Variants in NR2F1-AS1 observed in about 807,000 individuals in gnomAD.
The protein encoded by NR2F1-AS1 is NR2F1 regulatory antisense RNA 1, also known as NR2F1 antisense RNA 1.
intron 4 of NR2F1-AS1, among the ~76,000 whole-genome samples, chr5:93,416,357 T>G (rs1199557990): frequency 6.6e-6 from 1 of 152,210 alleles, no homozygotes; most frequent in Non-Finnish European, 1.5e-5. Flanking sequence ...AATATTATTC[T>G]TTTTTCACCC....
At chr5:93,534,877 G>A (rs1561487765) in intron 4 of NR2F1-AS1, among the ~76,000 whole-genome samples, 2 of 152,102 alleles carry the variant, frequency 1.3e-5, no homozygotes, top group South Asian at 2.1e-4. Context: ...ATATTACATC[G>A]AAGATCATTT....
chr5:93,576,394 T>G (rs1752895095), intron 1 of NR2F1-AS1, among the ~76,000 whole-genome samples: 1 of 152,108 alleles, frequency 6.6e-6, no homozygotes, highest in Non-Finnish European at 1.5e-5. Context: ...TGTTTACTGT[T>G]CTATTGCTTA....
chr5:93,434,612 A>G (rs1207782208), intron 4 of NR2F1-AS1, among the ~76,000 whole-genome samples: 1 of 152,224 alleles, frequency 6.6e-6, no homozygotes, highest in Non-Finnish European at 1.5e-5. Flanking sequence ...AATAATCAAA[A>G]TCAGGAAATT....
intron 4 of NR2F1-AS1, among the ~76,000 whole-genome samples, chr5:93,446,804 A>G (rs1749720692): frequency 6.6e-6 from 1 of 152,194 alleles, no homozygotes; most frequent in Non-Finnish European, 1.5e-5. Context: ...TTCAAACTAT[A>G]CTACAAGGCT....
rs777320971 is a variant in NR2F1-AS1, at chr5:93,553,253, C to G, written n.638+508G>C. 5.3e-5 allele frequency among the ~76,000 whole-genome samples: 8 copies of G among 151,816 alleles called. No individual in the cohort carries two copies. In the South Asian group the frequency reaches 1.0e-3, roughly 20 times the overall value. On this transcript the variant is annotated intron_variant and non_coding_transcript_variant, in intron 4 of 5. Transcript: ENST00000660523. The stretch of plus-strand genomic sequence containing the variant: ...CAAGCAATTCTCGTGCCTCAGCTTC[C>G]CAAGTGAAGTGTTTTTAGTACAGAC...
At chr5:93,461,229 G>A (rs1417713867) in intron 4 of NR2F1-AS1, among the ~76,000 whole-genome samples, 1 of 152,150 alleles carries the variant, frequency 6.6e-6, no homozygotes, top group East Asian at 1.9e-4. Context: ...AACTAACAGA[G>A]GAACACAAAT....
chr5:93,526,902 C>G (rs1561483867), intron 4 of NR2F1-AS1, among the ~76,000 whole-genome samples: 1 of 152,118 alleles, frequency 6.6e-6, no homozygotes, highest in African/African-American at 2.4e-5. Flanking sequence ...ACTGAATGGG[C>G]AAAAGCTGGA....
intron 4 of NR2F1-AS1, among the ~76,000 whole-genome samples, chr5:93,430,861 TATC>T (rs138817898): frequency 4.1e-4 from 62 of 149,560 alleles, no homozygotes; most frequent in Middle Eastern, 6.8e-3. Flanking sequence ...TCCCTTGCTT[TATC>T]ATCATCATCA....
intron 4 of NR2F1-AS1, among the ~76,000 whole-genome samples, chr5:93,415,402 C>G (rs1057383468): frequency 2.0e-5 from 3 of 152,060 alleles, no homozygotes; most frequent in African/African-American, 7.2e-5. Flanking sequence ...TACTCATATG[C>G]CAGATCTAAA....
At chr5:93,500,930 T>TA (rs1394432527) in intron 4 of NR2F1-AS1, among the ~76,000 whole-genome samples, 1 of 152,134 alleles carries the variant, frequency 6.6e-6, no homozygotes, top group African/African-American at 2.4e-5. Context: ...TCTTATTAAT[T>TA]AAAAAATACA....
At chr5:93,469,090 C>G (rs1750308688) in intron 4 of NR2F1-AS1, among the ~76,000 whole-genome samples, 1 of 152,026 alleles carries the variant, frequency 6.6e-6, no homozygotes, top group Admixed American at 6.6e-5. Context: ...TGTGGAAAAG[C>G]TTATTTTTGA....
chr5:93,509,472 A>C (rs187054222), intron 4 of NR2F1-AS1, among the ~76,000 whole-genome samples: 2 of 152,218 alleles, frequency 1.3e-5, no homozygotes, highest in Admixed American at 1.3e-4. Flanking sequence ...ATACTGGTAG[A>C]GCAGGTATAT....
rs1479013976 is a variant in NR2F1-AS1 at position 93,528,663 on chromosome 5, C to T, written n.638+25098G>A. On this transcript the variant is annotated intron_variant and non_coding_transcript_variant, in intron 4 of 5. Coordinates refer to ENST00000660523, the Ensembl canonical transcript of NR2F1-AS1. The stretch of plus-strand genomic sequence containing the variant: ...TGGAACCAACCCAAATGCTCATCAA[C>T]GATAGACTGGATAAAGAAAATGTGG... Among the ~76,000 whole-genome samples, 4 of 152,144 alleles carry T rather than the reference C, an allele frequency of 2.6e-5. No individual in the cohort carries two copies. The East Asian group carries it at 5.8e-4, about 22-fold the overall frequency.
At chr5:93,463,279 C>A (rs1750140873) in intron 4 of NR2F1-AS1, among the ~76,000 whole-genome samples, 1 of 152,162 alleles carries the variant, frequency 6.6e-6, no homozygotes, top group Admixed American at 6.5e-5. Context: ...AAGCCCTGAG[C>A]CTTGGCAACT....
chr5:93,440,189 CTCTG>C (rs1416459645), intron 4 of NR2F1-AS1, among the ~76,000 whole-genome samples: 12 of 151,152 alleles, frequency 7.9e-5, no homozygotes, highest in Middle Eastern at 3.4e-3. Flanking sequence ...CGCTCTCTCT[CTCTG>C]TCTCTCTCTC....
intron 4 of NR2F1-AS1, among the ~76,000 whole-genome samples, chr5:93,473,410 T>C (rs983029530): frequency 6.6e-6 from 1 of 151,828 alleles, no homozygotes; most frequent in Admixed American, 6.6e-5. Context: ...TTAATCAGTA[T>C]TGTCATCCCA....
chr5:93,503,265 C>G (rs1404366634), intron 4 of NR2F1-AS1, among the ~76,000 whole-genome samples: 6 of 152,072 alleles, frequency 3.9e-5, no homozygotes, highest in Non-Finnish European at 5.9e-5. Context: ...GTGGGATATA[C>G]AGCAAGAACC....
chr5:93,433,963 C>A (rs898962240), intron 4 of NR2F1-AS1, among the ~76,000 whole-genome samples: 3 of 152,142 alleles, frequency 2.0e-5, no homozygotes, highest in Admixed American at 1.3e-4. Flanking sequence ...ATTCCCAGAG[C>A]CCTCAGGCCA....
chr5:93,444,259 T>C (rs1402049636), intron 4 of NR2F1-AS1, among the ~76,000 whole-genome samples: 1 of 152,072 alleles, frequency 6.6e-6, no homozygotes, highest in African/African-American at 2.4e-5. Flanking sequence ...GACTGGCAAA[T>C]TGGATAAAGA....
Sources: allele counts gnomAD v4.1 joint callset (sites outside exome capture counted in the v4.1 genomes callset), GRCh38; gene constraint gnomAD v4.1.1; transcripts MANE v1.5; gene names NCBI Gene and HGNC (gene_info 2026-07-23, HGNC 2026-07-21).